C5: variants seen among roughly 807,000 people sequenced by gnomAD.
The protein encoded by C5 is C3 and PZP-like alpha-2-macroglobulin domain-containing protein 4.
In C5, 140 loss-of-function variants were observed where a neutral mutation model predicts 218.8. That is an observed-to-expected ratio of 0.64 (90% CI 0.56 to 0.74). The LOEUF (loss-of-function observed/expected upper bound fraction) is 0.74, where lower values mean the gene tolerates loss of function less well. Ranked by LOEUF, C5 falls within the 30% of genes least tolerant of loss-of-function variation. The pLI, the probability that C5 is intolerant of heterozygous loss-of-function variation, is 0.00. For missense variants in C5, 1,700 were observed against 1,969.6 expected, an observed-to-expected ratio of 0.86 and a Z score of 2.59; for synonymous variants, 614 against 682.3, an observed-to-expected ratio of 0.90 and a Z score of 1.56.
the C5 span, among the ~76,000 whole-genome samples, chr9:121,068,801 A>C: frequency 3.9e-5 from 6 of 152,230 alleles, no homozygotes; most frequent in African/African-American, 1.2e-4. Context: ...ATGAAACAGC[A>C]TAGAGGACTC....
At chr9:121,022,341 T>C (rs991378490) in intron 10 of C5, among the ~76,000 whole-genome samples, 1 of 150,936 alleles carries the variant, frequency 6.6e-6, no homozygotes, top group African/African-American at 2.4e-5. Flanking sequence ...ACAGATATAG[T>C]TTGTTATTTT....
chr9:121,062,325 G>C, the C5 span, among the ~76,000 whole-genome samples: 1 of 152,140 alleles, frequency 6.6e-6, no homozygotes, highest in Non-Finnish European at 1.5e-5. Context: ...CATAAATATC[G>C]TGCTGTCAGA....
chr9:121,002,316 G>A (rs28520985), intron 20 of C5, among the ~76,000 whole-genome samples: 17,439 of 86,232 alleles, frequency 0.2, 1,897 homozygotes, highest in East Asian at 0.27. Context: ...ATATGTGTGT[G>A]TATATATATA....
chr9:121,035,046 T>A (rs10760138), intron 4 of C5, 152 bp from the exon 5 acceptor site: 453,183 of 575,570 alleles, frequency 0.79, 180,287 homozygotes, highest in East Asian at 0.96. Flanking sequence ...GATGAAGATC[T>A]GTTAAATGTT....
At position 121,046,383 on chromosome 9, in the gene C5, T is replaced by G. The variant is rs777563958; in HGVS notation, c.66A>C (p.Thr22=). The G allele has an allele frequency of 1.1e-5, 18 of 1,608,114 alleles. No individual in the cohort carries two copies. The East Asian group carries it at 3.8e-4, about 34-fold the overall frequency. ...FLGKTWGQEQ[T]YVISAPKIFR... The stretch of plus-strand genomic sequence containing the variant: ...ATATTTTTGGTGCTGAAATGACATA[T>G]CTGTTGAAAAAGGAAAAGATAAGGC... The change falls in exon 2 of 41, where the codon ACA becomes ACC. Residue 22 remains threonine, a splice_region_variant and synonymous_variant. Coordinates refer to ENST00000223642, the MANE Select transcript of C5 (RefSeq NM_001735.3).
chr9:120,986,585 G>T (rs930319100), intron 25 of C5, among the ~76,000 whole-genome samples: 1 of 145,076 alleles, frequency 6.9e-6, no homozygotes, highest in South Asian at 2.1e-4. Flanking sequence ...CTCTTGAAAG[G>T]CTCTGAGTGT....
chr9:121,008,453 T>G lies in C5; in HGVS notation c.2303A>C (p.Tyr768Ser). 1 of 1,613,780 alleles carries G rather than the reference T, an allele frequency of 6.2e-7. No homozygotes were observed. Among genetic ancestry groups the G allele is most frequent in the South Asian group, 1.1e-5 (1 of 91,078 alleles). Residue 768 changes from tyrosine to serine, a missense_variant, in exon 18 of 41, where the codon TAT (tyrosine) becomes TCT (serine). Tyr to Ser is a moderately radical substitution (Grantham distance 144). Transcript: ENST00000223642. ...LPVSKPEIRS[Y>S]FPESWLWEVH... ...TTCCCACAACCAGCTTTCTGGAAAATAACTCCGAATTTCTGGCTTGCTTAC... is the reference window on the plus strand; with the variant it reads ...TTCCCACAACCAGCTTTCTGGAAAAGAACTCCGAATTTCTGGCTTGCTTAC...
At chr9:121,052,007 C>A (rs1300726495), upstream of C5, among the ~76,000 whole-genome samples, 3 of 152,042 alleles carry the variant, frequency 2.0e-5, no homozygotes, top group African/African-American at 7.2e-5. Context: ...TACTGATAAC[C>A]AATATTTGCA....
At chr9:120,996,642 G>A (rs1413096809) in intron 21 of C5, among the ~76,000 whole-genome samples, 1 of 152,214 alleles carries the variant, frequency 6.6e-6, no homozygotes, top group Non-Finnish European at 1.5e-5. Context: ...TGGAAATCAA[G>A]TAACACTGTC....
At chr9:121,007,827 A>T (rs1051938633) in intron 18 of C5, among the ~76,000 whole-genome samples, 1 of 152,226 alleles carries the variant, frequency 6.6e-6, no homozygotes, top group Non-Finnish European at 1.5e-5. Context: ...TGAAATGGAC[A>T]ATTGTGTGGA....
intron 22 of C5, among the ~76,000 whole-genome samples, chr9:120,992,278 G>A (rs942168391): frequency 6.6e-6 from 1 of 152,188 alleles, no homozygotes; most frequent in Non-Finnish European, 1.5e-5. Flanking sequence ...AAATGCAGAG[G>A]ATATATCAAA....
At chr9:120,965,564 A>AT (rs2046861261) in intron 33 of C5, among the ~76,000 whole-genome samples, 1 of 151,336 alleles carries the variant, frequency 6.6e-6, no homozygotes. Context: ...AAATAAATAA[A>AT]AGCAGTCCCC....
chr9:120,974,970 T>C (rs764262549), intron 29 of C5, 39 bp from the exon 30 acceptor site: 2 of 1,611,146 alleles, frequency 1.2e-6, no homozygotes, highest in Admixed American at 3.3e-5. Context: ...ATGTTTAGTT[T>C]ATTTATGTAC....
rs991026274 is a variant in C5, at chr9:121,035,012, C to T, written c.493-118G>A. ...GATCAAATATTTGAAGACAAATACC[C>T]ATGTCTTCAAATTAAATATGAAGGA... On this transcript the variant is annotated intron_variant, in intron 4 of 40. Transcript: ENST00000223642. The T allele has an allele frequency of 5.6e-5, 34 of 608,680 alleles. No individual in the cohort carries two copies. The East Asian group carries it at 9.0e-4, about 16-fold the overall frequency. The allele number at this position is 608,680 out of a possible 1,614,324, so 37.7% of individuals were successfully genotyped here.
At chr9:120,954,426 T>C (rs2046770259) in intron 39 of C5, among the ~76,000 whole-genome samples, 1 of 152,220 alleles carries the variant, frequency 6.6e-6, no homozygotes, top group African/African-American at 2.4e-5. Context: ...AAGTAGCCAG[T>C]TCCCCTACCT....
intron 20 of C5, among the ~76,000 whole-genome samples, chr9:121,004,063 G>A (rs1333457471): frequency 6.6e-6 from 1 of 152,018 alleles, no homozygotes; most frequent in Non-Finnish European, 1.5e-5. Context: ...TAGAGATGGG[G>A]TTTCACCGTG....
intron 20 of C5, among the ~76,000 whole-genome samples, chr9:121,000,537 G>C (rs2047152808): frequency 1.3e-5 from 2 of 152,280 alleles, no homozygotes; most frequent in African/African-American, 4.8e-5. Flanking sequence ...TTTTAAATCA[G>C]TTGGAAAAGC....
upstream of C5, among the ~76,000 whole-genome samples, chr9:121,052,488 T>G (rs2131833365): frequency 6.6e-6 from 1 of 151,992 alleles, no homozygotes; most frequent in South Asian, 2.1e-4. Context: ...ATTTTTTTTC[T>G]TTATAATTTA....
At chr9:121,013,318 G>GGAAA (rs775252391) in intron 17 of C5, among the ~76,000 whole-genome samples, 3,457 of 99,234 alleles carry the variant, frequency 0.035, 176 homozygotes, top group African/African-American at 0.11. Flanking sequence ...GATTCCTACT[G>GGAAA]AAAAAAAAAA....
Sources: gnomAD v4.1 joint callset for allele counts (sites outside exome capture counted in the v4.1 genomes callset) on GRCh38, gnomAD v4.1.1 for gene constraint, MANE v1.5 for transcripts, NCBI Gene and HGNC (gene_info 2026-07-23, HGNC 2026-07-21) for gene names.